Variants in DKK3 observed in about 807,000 individuals in gnomAD.
DKK3 encodes the protein dickkopf Wnt signaling pathway inhibitor 3, also known as dickkopf-related protein 3.
DKK3 carries 22 observed loss-of-function variants against 33.2 expected under a neutral mutation model. That is an observed-to-expected ratio of 0.66 (90% CI 0.47 to 0.95). The LOEUF is 0.95. Ranked by LOEUF, DKK3 falls within the 40% of genes least tolerant of loss-of-function variation. The pLI is 0.00. For synonymous variants in DKK3, 194 were observed against 188.8 expected (o/e 1.03, Z -0.23); for missense variants, 398 against 458.4 (o/e 0.87, Z 1.20).
intron 5 of DKK3, 24 bp from the exon 6 acceptor site, chr11:11,965,989 C>T (rs764140828): frequency 1.1e-5 from 18 of 1,599,284 alleles, no homozygotes; most frequent in Non-Finnish European, 1.4e-5. Context: ...AGAGTCACCC[C>T]TGTGTGCCCC....
At position 12,008,287 on chromosome 11, in the gene DKK3, C is replaced by A; in HGVS notation, c.213+83G>T. 6.8e-7 allele frequency: 1 copy of A among 1,481,070 alleles called. No individual in the cohort carries two copies. The highest frequency in any genetic ancestry group is 9.0e-7 in the Non-Finnish European group (1 of 1,115,694). The allele number at this position is 1,481,070 out of a possible 1,614,324, so 91.7% of individuals were successfully genotyped here. On this transcript the variant is annotated intron_variant, in intron 1 of 6. Transcript: ENST00000683431. The surrounding 1 kb of genome is among the most constrained non-coding windows in gnomAD (Gnocchi z 4.6). ...CCTGCGCGGGACCCGAGGTCCCTGG[C>A]CAGCGCTCTTCCATGCCTTCCCAGA...
In DKK3 at chr11:11,971,599, C is replaced by T. The variant is rs543537290; in HGVS notation, c.436-3112G>A. On this transcript the variant is annotated intron_variant, in intron 3 of 6. Transcript: ENST00000683431. The stretch of plus-strand genomic sequence containing the variant: ...CCATTAATTTGGCTTCTCATTCCCC[C>T]GAAAGGCCTTCGTAGACTTGCGATT... Among the ~76,000 whole-genome samples, 11 of 152,282 alleles carry T rather than the reference C, an allele frequency of 7.2e-5. No individual in the cohort carries two copies. In the South Asian group the frequency reaches 1.9e-3, roughly 26 times the overall value.
intron 3 of DKK3, among the ~76,000 whole-genome samples, chr11:11,990,531 T>C (rs1032701757): frequency 6.6e-6 from 1 of 152,222 alleles, no homozygotes; most frequent in Non-Finnish European, 1.5e-5. Context: ...CCTCTAGGGA[T>C]TGCATGAAGT....
At chr11:11,986,111 C>G (rs1295005698) in intron 3 of DKK3, among the ~76,000 whole-genome samples, 2 of 152,126 alleles carry the variant, frequency 1.3e-5, no homozygotes, top group East Asian at 3.9e-4. Flanking sequence ...CCCCAGCCAC[C>G]CGGGTACCCC....
upstream of DKK3, chr11:12,008,715 C>A (rs571035889): frequency 6.6e-6 from 8 of 1,211,718 alleles, no homozygotes; most frequent in East Asian, 2.5e-4. The surrounding 1 kb of genome is among the most constrained non-coding windows in gnomAD (Gnocchi z 4.6). Flanking sequence ...CCCTCTTTCC[C>A]GCACCCGCCC....
At chr11:12,009,512 C>A, upstream of DKK3, 1 of 937,982 alleles carries the variant, frequency 1.1e-6, no homozygotes, top group Non-Finnish European at 1.3e-6. Context: ...CCAGCTCTAC[C>A]GAAGGCAGCC....
upstream of DKK3, chr11:12,009,524 T>C (rs562569015): frequency 1.7e-4 from 159 of 939,994 alleles, no homozygotes; most frequent in African/African-American, 2.6e-3. Flanking sequence ...AAGGCAGCCA[T>C]CTCCTTCACT....
intron 3 of DKK3, among the ~76,000 whole-genome samples, chr11:11,984,784 G>C (rs1171065889): frequency 6.6e-6 from 1 of 152,114 alleles, no homozygotes; most frequent in African/African-American, 2.4e-5. Flanking sequence ...GGTGGGGGAC[G>C]GCGCCTGGGA....
At chr11:11,970,303 T>C (rs1847697163) in intron 3 of DKK3, among the ~76,000 whole-genome samples, 1 of 152,180 alleles carries the variant, frequency 6.6e-6, no homozygotes, top group Non-Finnish European at 1.5e-5. Context: ...AGCAACCCAG[T>C]GGCAAAGGAG....
intron 3 of DKK3, among the ~76,000 whole-genome samples, chr11:11,996,277 C>T (rs1193964879): frequency 1.3e-5 from 2 of 152,204 alleles, no homozygotes; most frequent in African/African-American, 4.8e-5. Flanking sequence ...CCCCTGCATT[C>T]CCTTGATAGT....
intron 3 of DKK3, among the ~76,000 whole-genome samples, chr11:11,993,038 C>T (rs1257386498): frequency 6.6e-6 from 1 of 152,174 alleles, no homozygotes; most frequent in African/African-American, 2.4e-5. Flanking sequence ...TGGGTGTAGC[C>T]TTCCTAGAGG....
intron 3 of DKK3, among the ~76,000 whole-genome samples, chr11:11,989,135 G>T (rs962319829): frequency 6.6e-6 from 1 of 152,204 alleles, no homozygotes; most frequent in Non-Finnish European, 1.5e-5. Flanking sequence ...ATGGAAAACA[G>T]TATGGTGTTT....
upstream of DKK3, chr11:12,009,393 C>T: frequency 4.1e-6 from 4 of 973,688 alleles, no homozygotes; most frequent in Non-Finnish European, 4.9e-6. Context: ...CCCGCCCGCC[C>T]ACCAGGCCCA....
chr11:11,982,110 G>A (rs1262074677), intron 3 of DKK3, among the ~76,000 whole-genome samples: 2 of 152,152 alleles, frequency 1.3e-5, no homozygotes, highest in Non-Finnish European at 2.9e-5. Context: ...TAAGCGTTCT[G>A]GGCAATGAAC....
intron 3 of DKK3, among the ~76,000 whole-genome samples, chr11:11,982,562 C>A (rs943946448): frequency 1.3e-5 from 2 of 152,226 alleles, no homozygotes; most frequent in East Asian, 1.9e-4. Context: ...TTGGGACACA[C>A]CAGAATTGGC....
In DKK3 at chr11:12,008,322, C is replaced by A; in HGVS notation, c.213+48G>T. 2 of 1,563,688 alleles carry A rather than the reference C, an allele frequency of 1.3e-6. No homozygotes were observed. Among genetic ancestry groups the A allele is most frequent in the South Asian group, 1.2e-5 (1 of 85,570 alleles). ...TCCATGCCTTCCCAGACTTCGCTGC[C>A]CCCAGTCTGGCGCTTCTCAGAGCCC... On this transcript the variant is annotated intron_variant, in intron 1 of 6. Transcript: ENST00000683431. The surrounding 1 kb of genome is among the most constrained non-coding windows in gnomAD (Gnocchi z 4.6).
At chr11:12,009,724 G>C, upstream of DKK3, 1 of 985,610 alleles carries the variant, frequency 1.0e-6, no homozygotes, top group Admixed American at 6.1e-5. Context: ...ATCACCGCTG[G>C]CCTTAGTCTG....
chr11:11,987,048 TC>T (rs1438274750), intron 3 of DKK3, among the ~76,000 whole-genome samples: 1 of 152,236 alleles, frequency 6.6e-6, no homozygotes, highest in Non-Finnish European at 1.5e-5. Context: ...ACAGCTTTCA[TC>T]TACTAAGTAT....
At chr11:11,999,572 C>A (rs1309589306) in intron 2 of DKK3, among the ~76,000 whole-genome samples, 1 of 152,186 alleles carries the variant, frequency 6.6e-6, no homozygotes, top group African/African-American at 2.4e-5. Context: ...TTGCAGTGAG[C>A]CGAAATCGTG....
Sources: gnomAD v4.1 joint callset for allele counts (sites outside exome capture counted in the v4.1 genomes callset) on GRCh38, gnomAD v4.1.1 for gene constraint, Gnocchi (gnomAD v3.1) non-coding constraint, MANE v1.5 for transcripts, NCBI Gene and HGNC (gene_info 2026-07-23, HGNC 2026-07-21) for gene names.